TENM4: variants seen among roughly 807,000 people sequenced by gnomAD.
TENM4 encodes the protein teneurin-4.
A neutral mutation model predicts 243.3 loss-of-function variants in TENM4; 82 were observed. That is an observed-to-expected ratio of 0.34 (90% CI 0.28 to 0.40). The LOEUF (loss-of-function observed/expected upper bound fraction) is 0.40, where lower values mean the gene tolerates loss of function less well. TENM4 is among the 10% of genes least tolerant of loss of function. The probability of loss-of-function intolerance (pLI) is 1.00; values close to 1 mark genes in which losing one functional copy is unlikely to be tolerated. For synonymous variants in TENM4, 1,412 were observed against 1,456.3 expected (o/e 0.97, Z 0.69); for missense variants, 3,138 against 3,673.3 (o/e 0.85, Z 3.77).
chr11:78,808,678 T>C (rs534676226), intron 14 of TENM4, among the ~76,000 whole-genome samples: 2 of 152,206 alleles, frequency 1.3e-5, no homozygotes, highest in South Asian at 4.1e-4. Flanking sequence ...GTCTTAAAAA[T>C]AGAAATCAAA....
At position 79,139,069 on chromosome 11, in the gene TENM4, ATAAATATATATTATATTTC is replaced by A. The variant is rs1862200906; in HGVS notation, c.-66+9622_-66+9640del. 4.7e-4 allele frequency among the ~76,000 whole-genome samples: 11 copies of A among 23,250 alleles called. 1 individual carries two copies. The highest frequency in any genetic ancestry group is 4.0e-4 in the African/African-American group (1 of 2,530). 15.3% of individuals were successfully genotyped at this position (23,250 alleles called of 152,430 possible). On this transcript the variant is annotated intron_variant, in intron 4 of 33. Coordinates refer to ENST00000278550, the MANE Select transcript of TENM4 (RefSeq NM_001098816.3). The stretch of plus-strand genomic sequence containing the variant: ...TATATAAAATATATATTATATTTCT[ATAAATATATATTATATTTC>A]TATAAATATATAAAATATATATTAT...
At chr11:79,322,002 G>C (rs929165100) in intron 1 of TENM4, among the ~76,000 whole-genome samples, 1 of 152,182 alleles carries the variant, frequency 6.6e-6, no homozygotes, top group Non-Finnish European at 1.5e-5. Context: ...TGTGAGATCA[G>C]TTTCATGTGG....
chr11:78,755,729 G>A (rs904009624), intron 19 of TENM4, among the ~76,000 whole-genome samples: 2 of 152,006 alleles, frequency 1.3e-5, no homozygotes, highest in African/African-American at 4.8e-5. Context: ...GCAGCATCCC[G>A]CAGACACAAT....
chr11:78,851,448 T>C (rs1377275846), intron 12 of TENM4, among the ~76,000 whole-genome samples: 4 of 152,266 alleles, frequency 2.6e-5, no homozygotes, highest in Non-Finnish European at 5.9e-5. Flanking sequence ...ACTGTGCCTA[T>C]GGTTTATTCC....
chr11:78,817,297 T>C (rs1230526740), intron 12 of TENM4, among the ~76,000 whole-genome samples: 1 of 152,242 alleles, frequency 6.6e-6, no homozygotes, highest in Admixed American at 6.5e-5. Flanking sequence ...AAGAACTATT[T>C]TTAAAGTTTG....
At chr11:79,189,665 T>C (rs1863441953) in intron 3 of TENM4, among the ~76,000 whole-genome samples, 1 of 152,258 alleles carries the variant, frequency 6.6e-6, no homozygotes. Context: ...TCTGGATATG[T>C]AGTGCCTGTG....
intron 3 of TENM4, among the ~76,000 whole-genome samples, chr11:79,177,122 G>A (rs981344521): frequency 1.3e-5 from 2 of 151,302 alleles, no homozygotes; most frequent in East Asian, 3.9e-4. Context: ...TGTTTTAAAC[G>A]AATTGTTTAA....
At chr11:79,083,872 C>T (rs35404794) in intron 4 of TENM4, among the ~76,000 whole-genome samples, 17,228 of 152,188 alleles carry the variant, frequency 0.11, 1,088 homozygotes, top group Middle Eastern at 0.24. Context: ...TCTGAAAATA[C>T]CCTTAAAAGG....
At chr11:79,339,296 C>T (rs759315747) in intron 1 of TENM4, among the ~76,000 whole-genome samples, 6 of 152,194 alleles carry the variant, frequency 3.9e-5, no homozygotes, top group Non-Finnish European at 7.3e-5. Context: ...TCTATAGGGC[C>T]GGCTAGGATG....
chr11:78,712,572 C>A lies in TENM4; in HGVS notation c.3964G>T (p.Ala1322Ser). The A allele has an allele frequency of 6.2e-7, 1 of 1,614,012 alleles. No homozygotes were observed. The highest frequency in any genetic ancestry group is 2.2e-5 in the East Asian group (1 of 44,880). The change falls in exon 26 of 34, where the codon GCG becomes TCG. Residue 1322 changes from alanine to serine, a missense_variant. This residue lies in a region of TENM4 where 2,467 missense variants were observed against 3,059.1 expected (regional missense o/e 0.81). Transcript: ENST00000278550. ...GGGAGGCACTGGTCACCTGTCCCCG[C>A]AACCACCTCAGAGTTCTTGACAAGG... is the stretch of plus-strand genomic sequence containing the variant. ...KDLVKNSEVVAGTGDQCLPFD... is the reference protein window; with the variant it reads ...KDLVKNSEVVSGTGDQCLPFD...
chr11:78,945,444 G>T (rs990109939), intron 6 of TENM4, among the ~76,000 whole-genome samples: 3 of 152,176 alleles, frequency 2.0e-5, no homozygotes, highest in African/African-American at 7.2e-5. Context: ...TCCACTGACT[G>T]GCCATTCCCT....
At chr11:79,186,719 A>G (rs969587894) in intron 3 of TENM4, among the ~76,000 whole-genome samples, 1 of 152,206 alleles carries the variant, frequency 6.6e-6, no homozygotes, top group East Asian at 1.9e-4. Context: ...TGAATTTTTT[A>G]AAGAAATTGC....
intron 1 of TENM4, among the ~76,000 whole-genome samples, chr11:79,305,675 C>T (rs535233228): frequency 2.0e-5 from 3 of 152,316 alleles, no homozygotes; most frequent in East Asian, 1.9e-4. Flanking sequence ...TCTAGCAATG[C>T]GGTCATCCAC....
chr11:79,323,129 C>A (rs1856918594), intron 1 of TENM4, among the ~76,000 whole-genome samples: 1 of 152,216 alleles, frequency 6.6e-6, no homozygotes, highest in Non-Finnish European at 1.5e-5. Context: ...CACAGTTCCA[C>A]ACAACAAGTC....
At chr11:78,756,762 T>C in intron 19 of TENM4, 43 bp downstream of exon 19, 7 of 1,560,720 alleles carry the variant, frequency 4.5e-6, no homozygotes, top group Non-Finnish European at 6.1e-6. Flanking sequence ...GATTCAGTTC[T>C]CCCTCAGAGA....
At chr11:78,967,184 C>T (rs942593990) in intron 6 of TENM4, among the ~76,000 whole-genome samples, 5 of 152,196 alleles carry the variant, frequency 3.3e-5, no homozygotes, top group African/African-American at 7.2e-5. Flanking sequence ...CCTGGACTCT[C>T]CCTCTTGCAA....
chr11:78,748,944 A>C (rs1350708518), intron 19 of TENM4, among the ~76,000 whole-genome samples: 1 of 152,146 alleles, frequency 6.6e-6, no homozygotes, highest in Non-Finnish European at 1.5e-5. Flanking sequence ...CACCAGCCCA[A>C]GGTCCCATGT....
At chr11:79,172,233 A>G (rs1863061114) in intron 3 of TENM4, among the ~76,000 whole-genome samples, 1 of 152,050 alleles carries the variant, frequency 6.6e-6, no homozygotes, top group African/African-American at 2.4e-5. Context: ...GATCACAGGC[A>G]TGAGTCAATG....
At chr11:78,822,752 A>G (rs1170656006) in intron 12 of TENM4, among the ~76,000 whole-genome samples, 2 of 152,228 alleles carry the variant, frequency 1.3e-5, no homozygotes, top group Non-Finnish European at 2.9e-5. Flanking sequence ...TAAAAAAAGA[A>G]AAACAATAGA....
Sources: gnomAD v4.1 joint callset for allele counts (sites outside exome capture counted in the v4.1 genomes callset) on GRCh38, gnomAD v4.1.1 for gene constraint, gnomAD v4.1.1 regional missense constraint, MANE v1.5 for transcripts, NCBI Gene and HGNC (gene_info 2026-07-23, HGNC 2026-07-21) for gene names.